HDAC9: variants seen among roughly 807,000 people sequenced by gnomAD.
HDAC9 encodes histone deacetylase 9.
In HDAC9, 41 loss-of-function variants were observed where a neutral mutation model predicts 139.4. That is an observed-to-expected ratio of 0.29 (90% CI 0.23 to 0.38). The LOEUF (loss-of-function observed/expected upper bound fraction) is 0.38, where lower values mean the gene tolerates loss of function less well. HDAC9 is among the 10% of genes least tolerant of loss of function. HDAC9 has a pLI of 1.00. For missense variants in HDAC9, 1,147 were observed against 1,297.0 expected (o/e 0.88, Z 1.78); for synonymous variants, 517 against 476.2 (o/e 1.09, Z -1.12).
chr7:18,957,189 G>A (rs77823776), intron 24 of HDAC9, among the ~76,000 whole-genome samples: 6,185 of 152,188 alleles, frequency 0.041, 170 homozygotes, highest in Middle Eastern at 0.088. Flanking sequence ...AGTGAAACTC[G>A]GTAGAGAGAA....
intron 17 of HDAC9, among the ~76,000 whole-genome samples, chr7:18,821,817 C>G (rs1328875667): frequency 6.6e-6 from 1 of 152,184 alleles, no homozygotes; most frequent in Non-Finnish European, 1.5e-5. Context: ...GCCCAGTTGG[C>G]TATAAATCAG....
intron 2 of HDAC9, among the ~76,000 whole-genome samples, chr7:18,170,441 A>C (rs1445324423): frequency 6.6e-6 from 1 of 152,106 alleles, no homozygotes; most frequent in East Asian, 1.9e-4. Flanking sequence ...GAAGCTCTTC[A>C]GTTTAATGAG....
In HDAC9 at chr7:18,196,416, A is replaced by T. The variant is rs971025228; in HGVS notation, c.25+34067A>T. ...GCTTCAGACAAACCTGGGCAAATGGATGAGATTGGGATGGAATAGGCAAAG... is the reference window on the plus strand; with the variant it reads ...GCTTCAGACAAACCTGGGCAAATGGTTGAGATTGGGATGGAATAGGCAAAG... On this transcript the variant is annotated intron_variant, in intron 2 of 12. Coordinates refer to the HDAC9 transcript ENST00000417496. 4.6e-5 allele frequency among the ~76,000 whole-genome samples: 7 copies of T among 152,178 alleles called. No individual in the cohort carries two copies. The East Asian group carries it at 1.2e-3, about 25-fold the overall frequency.
At chr7:18,361,656 G>GTT (rs1783787294) in intron 1 of HDAC9, among the ~76,000 whole-genome samples, 1 of 152,004 alleles carries the variant, frequency 6.6e-6, no homozygotes, top group African/African-American at 2.4e-5. Context: ...TTTACTGAGG[G>GTT]TTAGATTTCT....
At chr7:18,804,079 G>C (rs1179240049) in intron 17 of HDAC9, among the ~76,000 whole-genome samples, 1 of 152,172 alleles carries the variant, frequency 6.6e-6, no homozygotes, top group African/African-American at 2.4e-5. Context: ...TAAAAGTAAA[G>C]GATGAAAGAG....
chr7:18,541,972 C>T (rs1445671871), intron 2 of HDAC9, among the ~76,000 whole-genome samples: 1 of 152,098 alleles, frequency 6.6e-6, no homozygotes, highest in Non-Finnish European at 1.5e-5. Context: ...ATGCTGTTAA[C>T]ATTTTGGACT....
At chr7:18,403,083 G>T (rs1046697576) in intron 1 of HDAC9, among the ~76,000 whole-genome samples, 2 of 152,084 alleles carry the variant, frequency 1.3e-5, no homozygotes, top group African/African-American at 2.4e-5. Flanking sequence ...ACATCTGATT[G>T]CATGTTTTGA....
chr7:18,103,051 G>C (rs972518683), intron 1 of HDAC9, among the ~76,000 whole-genome samples: 9 of 152,158 alleles, frequency 5.9e-5, no homozygotes, highest in South Asian at 2.1e-4. Context: ...TCCACATTGC[G>C]GGGGAGGCCT....
At chr7:18,909,749 C>T (rs1802581036) in intron 22 of HDAC9, among the ~76,000 whole-genome samples, 1 of 151,978 alleles carries the variant, frequency 6.6e-6, no homozygotes, top group Non-Finnish European at 1.5e-5. Flanking sequence ...CTACTTTTGT[C>T]AGAAATCAGT....
intron 1 of HDAC9, among the ~76,000 whole-genome samples, chr7:18,381,754 G>T (rs887618642): frequency 1.6e-4 from 25 of 152,084 alleles, no homozygotes; most frequent in Non-Finnish European, 2.8e-4. Context: ...CAAATAGGTT[G>T]AAGAGTATAT....
intron 1 of HDAC9, among the ~76,000 whole-genome samples, chr7:18,408,880 C>G (rs1196838085): frequency 6.6e-6 from 1 of 152,126 alleles, no homozygotes; most frequent in Non-Finnish European, 1.5e-5. Context: ...ATCTACAGCA[C>G]AACATTAGAA....
intron 22 of HDAC9, among the ~76,000 whole-genome samples, chr7:18,876,703 A>T (rs1799343829): frequency 6.9e-6 from 1 of 145,054 alleles, no homozygotes; most frequent in East Asian, 2.0e-4. Context: ...ATGAGAATAG[A>T]TTTTTTTTTT....
chr7:18,899,498 A>G (rs1348344690), intron 22 of HDAC9: 3 of 152,070 alleles, frequency 2.0e-5, no homozygotes, highest in Non-Finnish European at 4.4e-5. Context: ...AGTTTCAACT[A>G]TGTAACAATT....
chr7:18,547,594 C>T (rs1785382448), intron 2 of HDAC9, among the ~76,000 whole-genome samples: 1 of 152,174 alleles, frequency 6.6e-6, no homozygotes, highest in African/African-American at 2.4e-5. Flanking sequence ...ATTGACTTTT[C>T]CTTTCATGAA....
chr7:18,153,937 A>C (rs1279773581), intron 1 of HDAC9, among the ~76,000 whole-genome samples: 1 of 152,158 alleles, frequency 6.6e-6, no homozygotes, highest in Non-Finnish European at 1.5e-5. Flanking sequence ...GCTGGCTTAA[A>C]ATTGTATGGA....
chr7:18,740,165 A>G (rs760585227), intron 13 of HDAC9, among the ~76,000 whole-genome samples: 4 of 152,196 alleles, frequency 2.6e-5, no homozygotes, highest in Admixed American at 6.5e-5. Flanking sequence ...TTTTTCAGGT[A>G]CAGTCTGTCA....
chr7:18,188,608 T>G (rs1790091193), intron 2 of HDAC9, among the ~76,000 whole-genome samples: 1 of 152,062 alleles, frequency 6.6e-6, no homozygotes, highest in Non-Finnish European at 1.5e-5. Context: ...CTGACAAAGG[T>G]CTAATATCCA....
At chr7:18,607,339 C>G (rs920168408) in intron 6 of HDAC9, among the ~76,000 whole-genome samples, 4 of 152,196 alleles carry the variant, frequency 2.6e-5, no homozygotes, top group Admixed American at 2.6e-4. Context: ...AATTTCATGG[C>G]TTGGCATTAG....
chr7:18,243,450 A>G (rs1211926472), intron 2 of HDAC9, among the ~76,000 whole-genome samples: 2 of 152,220 alleles, frequency 1.3e-5, no homozygotes, highest in African/African-American at 2.4e-5. Flanking sequence ...TTACCTGGGC[A>G]TGGAGAAGGC....
Sources: gnomAD v4.1 joint callset for allele counts (sites outside exome capture counted in the v4.1 genomes callset) on GRCh38, gnomAD v4.1.1 for gene constraint, MANE v1.5 for transcripts, NCBI Gene and HGNC (gene_info 2026-07-23, HGNC 2026-07-21) for gene names.